The following CSMD1 variants were observed in gnomAD, a reference collection of about 807,000 sequenced individuals.
CSMD1 encodes the protein CUB and Sushi multiple domains 1.
Under a neutral mutation model 417.5 loss-of-function variants are expected in CSMD1, and 213 were observed. The observed-to-expected ratio is 0.51, with a 90% CI of 0.46 to 0.57. CSMD1 has a LOEUF of 0.57. Ranked by LOEUF, CSMD1 falls within the 20% of genes least tolerant of loss-of-function variation. The pLI, the probability that CSMD1 is intolerant of heterozygous loss-of-function variation, is 0.00. For synonymous variants in CSMD1, 2,862 were observed against 1,736.8 expected (o/e 1.65, Z -16.11); for missense variants, 6,923 against 4,529.7 (o/e 1.53, Z -15.17).
At chr8:3,107,380 C>A (rs1249317995) in intron 45 of CSMD1, among the ~76,000 whole-genome samples, 1 of 152,100 alleles carries the variant, frequency 6.6e-6, no homozygotes, top group Admixed American at 6.5e-5. Context: ...GTCCCCCTAA[C>A]TGAAAGCAAA....
intron 3 of CSMD1, among the ~76,000 whole-genome samples, chr8:4,375,236 G>C (rs1348434290): frequency 6.6e-6 from 1 of 152,008 alleles, no homozygotes; most frequent in Non-Finnish European, 1.5e-5. Flanking sequence ...GATGGTCTTA[G>C]AATACATAAA....
At chr8:4,986,623 T>C (rs1811192527) in intron 1 of CSMD1, among the ~76,000 whole-genome samples, 1 of 152,142 alleles carries the variant, frequency 6.6e-6, no homozygotes, top group Non-Finnish European at 1.5e-5. Flanking sequence ...ACTCGAACAG[T>C]ATTTTTATAT....
chr8:4,067,483 C>T (rs2552107), intron 3 of CSMD1, among the ~76,000 whole-genome samples: 8,332 of 100,932 alleles, frequency 0.083, 395 homozygotes, highest in East Asian at 0.29. Context: ...AAATAAATTA[C>T]TTTTTTTTTT....
intron 3 of CSMD1, among the ~76,000 whole-genome samples, chr8:4,269,522 A>T (rs906401762): frequency 6.6e-6 from 1 of 152,138 alleles, no homozygotes; most frequent in Non-Finnish European, 1.5e-5. Flanking sequence ...TATCTAACTA[A>T]AAGCCCTCAA....
chr8:4,366,455 T>C (rs946505729), intron 3 of CSMD1, among the ~76,000 whole-genome samples: 4 of 152,334 alleles, frequency 2.6e-5, no homozygotes, highest in Admixed American at 6.5e-5. Context: ...AAGGTGGGAC[T>C]GCTGGTTTAA....
intron 4 of CSMD1, among the ~76,000 whole-genome samples, chr8:4,015,374 T>A (rs1796471941): frequency 2.0e-5 from 3 of 152,118 alleles, no homozygotes; most frequent in African/African-American, 7.2e-5. Context: ...CCTTTTCATC[T>A]CTAGTAGCAG....
At chr8:4,377,615 G>A (rs1296004913) in intron 3 of CSMD1, among the ~76,000 whole-genome samples, 2 of 152,102 alleles carry the variant, frequency 1.3e-5, no homozygotes, top group African/African-American at 4.8e-5. Flanking sequence ...TTTATGATGT[G>A]CAAAACTAGA....
At chr8:4,671,344 G>A (rs923531067) in intron 1 of CSMD1, among the ~76,000 whole-genome samples, 4 of 151,906 alleles carry the variant, frequency 2.6e-5, no homozygotes, top group African/African-American at 9.7e-5. Context: ...CCTAATTGAT[G>A]CTGTTTATCT....
chr8:4,165,599 C>G (rs922406110), intron 3 of CSMD1, among the ~76,000 whole-genome samples: 2 of 152,142 alleles, frequency 1.3e-5, no homozygotes, highest in African/African-American at 4.8e-5. Flanking sequence ...GACATGGTCT[C>G]ACTATGTTGC....
At chr8:3,902,264 G>A (rs375965255) in intron 5 of CSMD1, among the ~76,000 whole-genome samples, 89 of 152,208 alleles carry the variant, frequency 5.8e-4, no homozygotes, top group Middle Eastern at 6.8e-3. Context: ...AGGGTCCATT[G>A]ATTAAGTCAT....
intron 3 of CSMD1, among the ~76,000 whole-genome samples, chr8:4,177,101 C>T (rs1172542769): frequency 2.6e-5 from 4 of 152,190 alleles, no homozygotes; most frequent in East Asian, 3.8e-4. Context: ...CTACAGAACT[C>T]TCCACCCCAA....
intron 6 of CSMD1, among the ~76,000 whole-genome samples, chr8:3,728,972 G>C (rs1033806026): frequency 2.6e-5 from 4 of 152,178 alleles, no homozygotes; most frequent in African/African-American, 9.7e-5. Flanking sequence ...ATATCTGCAG[G>C]GCTGAGGTGG....
rs1165927153 is a variant in CSMD1 at position 3,795,363 on chromosome 8, GTATA to G, written c.819-41325_819-41322del. 4.6e-5 allele frequency among the ~76,000 whole-genome samples: 2 copies of G among 43,238 alleles called. 1 individual carries two copies. Among genetic ancestry groups the G allele is most frequent in the Admixed American group, 5.3e-4 (2 of 3,744 alleles). 28.4% of individuals were successfully genotyped at this position (43,238 alleles called of 152,430 possible). A position where few individuals can be genotyped will look rare whatever the true frequency, so the allele number is the denominator to read the frequency against. ...GTAGATATAGATATATATCTATCATGTATATAGATATATATCATGTATAGATATA... is the reference window on the plus strand; with the variant it reads ...GTAGATATAGATATATATCTATCATGTAGATATATATCATGTATAGATATA... On this transcript the variant is annotated intron_variant, in intron 5 of 69. Coordinates refer to ENST00000635120, the MANE Select transcript of CSMD1 (RefSeq NM_033225.6).
At chr8:4,308,835 A>C (rs1798400242) in intron 3 of CSMD1, among the ~76,000 whole-genome samples, 1 of 152,174 alleles carries the variant, frequency 6.6e-6, no homozygotes, top group Non-Finnish European at 1.5e-5. Flanking sequence ...TTATGAAGCA[A>C]TGACACCCCA....
chr8:2,992,194 CACATACATACACACAT>C (rs1806450489), intron 54 of CSMD1, among the ~76,000 whole-genome samples: 1 of 89,684 alleles, frequency 1.1e-5, no homozygotes, highest in Non-Finnish European at 2.0e-5. Flanking sequence ...CACACATGCA[CACATACATACACACAT>C]GCACACACAC....
chr8:3,989,888 C>G (rs941613993), intron 5 of CSMD1, among the ~76,000 whole-genome samples: 1 of 152,138 alleles, frequency 6.6e-6, no homozygotes, highest in African/African-American at 2.4e-5. Flanking sequence ...ATTCTCCTAA[C>G]CAGTCCTCCA....
chr8:4,322,604 T>C (rs1799333410), intron 3 of CSMD1, among the ~76,000 whole-genome samples: 1 of 152,166 alleles, frequency 6.6e-6, no homozygotes, highest in South Asian at 2.1e-4. Context: ...AGACATGTTG[T>C]AGAAGCAGAA....
At chr8:4,707,279 T>C (rs1037783961) in intron 1 of CSMD1, among the ~76,000 whole-genome samples, 4 of 152,196 alleles carry the variant, frequency 2.6e-5, no homozygotes, top group Admixed American at 2.6e-4. Flanking sequence ...TATTAGGTCT[T>C]TAAACATGAG....
intron 4 of CSMD1, among the ~76,000 whole-genome samples, chr8:4,011,856 T>A (rs1393608971): frequency 6.6e-6 from 1 of 152,158 alleles, no homozygotes; most frequent in African/African-American, 2.4e-5. Context: ...TGGGAATTGG[T>A]TCCAGGATCC....
Sources: gnomAD v4.1 joint callset for allele counts (sites outside exome capture counted in the v4.1 genomes callset) on GRCh38, gnomAD v4.1.1 for gene constraint, MANE v1.5 for transcripts, NCBI Gene and HGNC (gene_info 2026-07-23, HGNC 2026-07-21) for gene names.